ACAD8: variants seen among roughly 807,000 people sequenced by gnomAD.
ACAD8 encodes isobutyryl-CoA dehydrogenase, mitochondrial.
A neutral mutation model predicts 53.1 loss-of-function variants in ACAD8; 47 were observed. That is an observed-to-expected ratio of 0.89 (90% CI 0.70 to 1.13). ACAD8 has a LOEUF of 1.13. Ranked by LOEUF, ACAD8 falls within the 50% of genes most tolerant of loss-of-function variation. The pLI is 0.00. For synonymous variants in ACAD8, 198 were observed against 201.3 expected, an observed-to-expected ratio of 0.98 and a Z score of 0.14; for missense variants, 494 against 535.0, an observed-to-expected ratio of 0.92 and a Z score of 0.76.
intron 9 of ACAD8, chr11:134,262,114 T>C (rs1463818534): frequency 2.9e-6 from 2 of 682,312 alleles, no homozygotes; most frequent in Middle Eastern, 2.3e-4. Flanking sequence ...ATGTCACTGT[T>C]GTTTGGTTGT....
chr11:134,262,767 C>T (rs1225286456), intron 10 of ACAD8, 145 bp downstream of exon 10: 2 of 1,502,178 alleles, frequency 1.3e-6, no homozygotes, highest in Non-Finnish European at 1.8e-6. Context: ...TCCCGTTCCG[C>T]AGAGCTGTTC....
chr11:134,258,186 C>T, intron 3 of ACAD8: 1 of 371,728 alleles, frequency 2.7e-6, no homozygotes, highest in Non-Finnish European at 5.2e-6. Context: ...GATGGAACTG[C>T]CAGTGATTTG....
chr11:134,264,936 C>T lies in ACAD8; in HGVS notation c.1224C>T (p.Ile408=), dbSNP rs375908186. Residue 408 remains isoleucine (I), a synonymous_variant, in exon 11 of 11, where the codon ATC becomes ATT. Coordinates refer to ENST00000281182, the MANE Select transcript of ACAD8 (RefSeq NM_014384.3). ...GCAATGAAGTGATGAGGATACTGAT[C>T]TCTAGAAGCCTGCTTCAGGAGTAGA... is the stretch of plus-strand genomic sequence containing the variant. The part of the protein sequence containing the change: ...EGSNEVMRIL[I]SRSLLQE 6.4e-5 allele frequency: 104 copies of T among 1,614,094 alleles called. No individual in the cohort carries two copies. The highest frequency in any genetic ancestry group is 8.7e-5 in the Non-Finnish European group (103 of 1,180,044).
intron 1 of ACAD8, among the ~76,000 whole-genome samples, chr11:134,254,231 A>G (rs1263799777): frequency 2.0e-5 from 3 of 152,236 alleles, no homozygotes; most frequent in Non-Finnish European, 4.4e-5. Flanking sequence ...TGACAACTGC[A>G]CAAGAACTCC....
In ACAD8 at chr11:134,261,163, A is replaced by AG; in HGVS notation, c.828dup (p.Arg277GlufsTer36). ...TCATTGCCGTGAGAGGACTGAACGG[A>AG]GGGAGGATCAATATTGGTGAGATAC... On this transcript the variant is annotated frameshift_variant, in exon 7 of 11. Coordinates refer to ENST00000281182, the MANE Select transcript of ACAD8 (RefSeq NM_014384.3). LOFTEE classifies it high-confidence loss of function. The surrounding 1 kb of genome is among the most constrained non-coding windows in gnomAD (Gnocchi z 4.2). 6.2e-7 allele frequency: 1 copy of AG among 1,613,094 alleles called. No individual in the cohort carries two copies. The highest frequency in any genetic ancestry group is 8.5e-7 in the Non-Finnish European group (1 of 1,179,662).
At chr11:134,264,149 A>C in intron 10 of ACAD8, 1 of 698,916 alleles carries the variant, frequency 1.4e-6, no homozygotes, top group Non-Finnish European at 1.8e-6. Context: ...GTTCGAGACC[A>C]GCTTGGCCAA....
chr11:134,258,674 C>A, intron 4 of ACAD8, 50 bp downstream of exon 4: 2 of 1,361,388 alleles, frequency 1.5e-6, no homozygotes, highest in Non-Finnish European at 2.1e-6. Context: ...ATGCTTCCTG[C>A]TCAGATGGCA....
chr11:134,258,618 G>C lies in ACAD8; in HGVS notation c.484G>C (p.Glu162Gln), dbSNP rs1331422944. 6.2e-7 allele frequency: 1 copy of C among 1,612,970 alleles called. No individual in the cohort carries two copies. Among genetic ancestry groups the C allele is most frequent in the Non-Finnish European group, 8.5e-7 (1 of 1,179,278 alleles). Residue 162 changes from glutamate to glutamine, a missense_variant, in exon 4 of 11, where the codon GAA (glutamate) becomes CAA (glutamine). Physicochemically the swap from Glu to Gln is conservative, Grantham distance 29. Transcript: ENST00000281182. ...GAAGTTTGCTTCCTACTGCCTCACT[G>C]AACCAGGTGAATTTGCCACACTGCA... is the stretch of plus-strand genomic sequence containing the variant. ...MEKFASYCLT[E>Q]PGSGSDAASL...
At chr11:134,262,420 T>A in intron 9 of ACAD8, 100 bp from the exon 10 acceptor site, 1 of 778,822 alleles carries the variant, frequency 1.3e-6, no homozygotes, top group Non-Finnish European at 2.2e-6. Context: ...TTTCATGGGT[T>A]TATGGCGGGC....
rs571218715 is a variant in ACAD8, at chr11:134,255,225, C to T, written c.110-1323C>T. ...GATCTCAACTCACCGCAACCTCTGC[C>T]CCACGGGTTCAAGCAATTCTTGTGC... On this transcript the variant is annotated intron_variant, in intron 1 of 10. Coordinates refer to ENST00000281182, the MANE Select transcript of ACAD8 (RefSeq NM_014384.3). 7.2e-5 allele frequency among the ~76,000 whole-genome samples: 11 copies of T among 152,302 alleles called. No homozygotes were observed. The South Asian group carries it at 2.3e-3, about 32-fold the overall frequency.
intron 9 of ACAD8, chr11:134,262,140 C>T (rs1357492652): frequency 1.5e-6 from 1 of 669,538 alleles, no homozygotes; most frequent in Non-Finnish European, 2.7e-6. Context: ...AGGCGAGAAA[C>T]CACCTTTGGA....
rs778171160 is a variant in ACAD8 at position 134,257,252 on chromosome 11, C to G, written c.375C>G (p.Ile125Met). 1.2e-6 allele frequency: 2 copies of G among 1,614,166 alleles called. No homozygotes were observed. Among genetic ancestry groups the G allele is most frequent in the Non-Finnish European group, 8.5e-7 (1 of 1,180,048 alleles). Residue 125 changes from isoleucine (I) to methionine (M), a missense_variant, in exon 3 of 11, where the codon ATC becomes ATG. Transcript: ENST00000281182. ...CCAGCACCACAGCCTATATAAGCATCCACAAGTGAGTGCCCAAGCTTGGAA... is the reference window on the plus strand; with the variant it reads ...CCAGCACCACAGCCTATATAAGCATGCACAAGTGAGTGCCCAAGCTTGGAA... Reference protein sequence around the residue: ...GCTSTTAYISIHNMCAWMIDS... With the variant: ...GCTSTTAYISMHNMCAWMIDS...
chr11:134,262,744 G>T, intron 10 of ACAD8, 122 bp downstream of exon 10: 12 of 1,513,838 alleles, frequency 7.9e-6, no homozygotes, highest in Non-Finnish European at 1.1e-5. Flanking sequence ...CTGTCTCGAG[G>T]CTTCCTCCTC....
At chr11:134,262,756 C>G (rs774201125) in intron 10 of ACAD8, 134 bp downstream of exon 10, 15 of 1,507,500 alleles carry the variant, frequency 1.0e-5, no homozygotes, top group Admixed American at 8.0e-5. Context: ...TTCCTCCTCC[C>G]TCCCGTTCCG....
intron 3 of ACAD8, 67 bp downstream of exon 3, chr11:134,257,324 G>T: frequency 1.3e-6 from 2 of 1,578,200 alleles, no homozygotes; most frequent in Non-Finnish European, 1.7e-6. Flanking sequence ...GTTCAGATTC[G>T]TAGGAAAAAG....
rs1939796769 is a variant in ACAD8 at position 134,260,119 on chromosome 11, G to A, written c.705+374G>A. The A allele has an allele frequency of 4.3e-6, 5 of 1,171,804 alleles. No individual in the cohort carries two copies. The African/African-American group carries it at 6.4e-5, about 15-fold the overall frequency. The allele number at this position is 1,171,804 out of a possible 1,614,324, so 72.6% of individuals were successfully genotyped here. A position where few individuals can be genotyped will look rare whatever the true frequency, so the allele number is the denominator to read the frequency against. Reference sequence around the variant, plus strand: ...CAAGTCTCAGTAATGGAAGGCGTGTGGTCCCTTTTGCTTCTTTGATTAAAA... The same window carrying A: ...CAAGTCTCAGTAATGGAAGGCGTGTAGTCCCTTTTGCTTCTTTGATTAAAA... On this transcript the variant is annotated intron_variant, in intron 6 of 10. Coordinates refer to ENST00000281182, the MANE Select transcript of ACAD8 (RefSeq NM_014384.3).
rs182476164 is a variant in ACAD8, at chr11:134,257,664, T to G, written c.380+407T>G. On this transcript the variant is annotated intron_variant, in intron 3 of 10. Transcript: ENST00000281182. ...TCCAGCCTGGGCGACAGAGCGAGAC[T>G]CCATCTCAAAAAAAATAAATAAATA... 35 of 283,330 alleles carry G rather than the reference T, an allele frequency of 1.2e-4. No homozygotes were observed. In the Admixed American group the frequency reaches 1.6e-3, roughly 13 times the overall value. 17.6% of individuals were successfully genotyped at this position (283,330 alleles called of 1,614,324 possible). A position where few individuals can be genotyped will look rare whatever the true frequency, so the allele number is the denominator to read the frequency against.
At chr11:134,254,521 AG>A (rs1939361826) in intron 1 of ACAD8, among the ~76,000 whole-genome samples, 1 of 152,222 alleles carries the variant, frequency 6.6e-6, no homozygotes, top group Non-Finnish European at 1.5e-5. Flanking sequence ...AATAAATGGC[AG>A]TTTTCTTTAC....
rs1237977023 is a variant in ACAD8 at position 134,259,087 on chromosome 11, A to G, written c.567+3A>G. On this transcript the variant is annotated splice_donor_region_variant and intron_variant, in intron 5 of 10. Coordinates refer to ENST00000281182, the MANE Select transcript of ACAD8 (RefSeq NM_014384.3). Reference sequence around the variant, plus strand: ...ATTACATCCTCAATGGCTCCAAGGTACTAGCGTGCGTCCTCCCAGAGCACT... The same window carrying G: ...ATTACATCCTCAATGGCTCCAAGGTGCTAGCGTGCGTCCTCCCAGAGCACT... The G allele has an allele frequency of 9.9e-6, 16 of 1,613,806 alleles. No individual in the cohort carries two copies. The highest frequency in any genetic ancestry group is 1.3e-5 in the Non-Finnish European group (15 of 1,179,816).
Sources: allele counts gnomAD v4.1 joint callset (sites outside exome capture counted in the v4.1 genomes callset), GRCh38; gene constraint gnomAD v4.1.1; non-coding constraint Gnocchi (gnomAD v3.1); transcripts MANE v1.5; gene names NCBI Gene and HGNC (gene_info 2026-07-23, HGNC 2026-07-21).